GP1BB: variants seen among roughly 807,000 people sequenced by gnomAD.
GP1BB encodes the protein platelet glycoprotein Ib beta chain.
A neutral mutation model predicts 2.5 loss-of-function variants in GP1BB; 3 were observed. The observed-to-expected ratio is 1.22, with a 90% confidence interval of 0.56 to 3.15. The LOEUF (loss-of-function observed/expected upper bound fraction) is 3.15, where lower values mean the gene tolerates loss of function less well. Among genes scored for constraint, GP1BB ranks in the 30% most tolerant of loss-of-function variants. GP1BB has a pLI of 0.03. For missense variants in GP1BB, 316 were observed against 307.0 expected, an observed-to-expected ratio of 1.03 and a Z score of -0.22; for synonymous variants, 191 against 167.5, an observed-to-expected ratio of 1.14 and a Z score of -1.08.
Position 19,724,399 on chromosome 22 carries a change from GC to G in GP1BB, c.558del (p.Ala187GlnfsTer6). ...GCTGCGGGCCCGGGCCCGCGCTCGC[GC>G]CGCAGCCCGGCTGTCGCTGACCGAC... ...RRLRARARAR[A>X]AARLSLTDPL... On this transcript the variant is annotated frameshift_variant, in exon 2 of 2. Transcript: ENST00000366425. LOFTEE classifies it low-confidence loss of function (END_TRUNC). 1 of 1,536,988 alleles carries G rather than the reference GC, an allele frequency of 6.5e-7. No homozygotes were observed. The highest frequency in any genetic ancestry group is 1.2e-5 in the South Asian group (1 of 83,270).
Position 19,724,066 on chromosome 22 carries a change from C to T in GP1BB, c.223C>T (p.Leu75=). ...NNLTALPPGL[L]DALPALRTAH... ...CCTGACGGCGCTGCCGCCGGGGCTG[C>T]TGGACGCGCTGCCCGCGCTGCGCAC... Residue 75 remains leucine, a synonymous_variant, in exon 2 of 2, where the codon CTG becomes TTG. Coordinates refer to ENST00000366425, the MANE Select transcript of GP1BB (RefSeq NM_000407.5). 6.7e-7 allele frequency: 1 copy of T among 1,503,556 alleles called. No individual in the cohort carries two copies. Among genetic ancestry groups the T allele is most frequent in the Non-Finnish European group, 8.8e-7 (1 of 1,131,890 alleles). 93.1% of individuals were successfully genotyped at this position (1,503,556 alleles called of 1,614,324 possible). A position where few individuals can be genotyped will look rare whatever the true frequency, so the allele number is the denominator to read the frequency against.
chr22:19,723,675 G>C (rs748251974), intron 1 of GP1BB, 96 bp downstream of exon 1: 1 of 1,451,570 alleles, frequency 6.9e-7, no homozygotes. Context: ...GAGAGACTTG[G>C]GTCAGACTTA....
rs1263432745 is a variant in GP1BB, at chr22:19,724,221, C to T, written c.378C>T (p.Gly126=). 34 of 1,225,370 alleles carry T rather than the reference C, an allele frequency of 2.8e-5. No individual in the cohort carries two copies. Among genetic ancestry groups the T allele is most frequent in the Non-Finnish European group, 3.1e-5 (31 of 986,984 alleles). The allele number at this position is 1,225,370 out of a possible 1,614,324, so 75.9% of individuals were successfully genotyped here. A position where few individuals can be genotyped will look rare whatever the true frequency, so the allele number is the denominator to read the frequency against. ...GCGTGGCGCCCCCAGCGCTGCGCGG[C>T]CGCCTGCTGCCCTATCTGGCCGAGG... ...LRCVAPPALR[G]RLLPYLAEDE... Residue 126 remains glycine, a synonymous_variant, in exon 2 of 2, where the codon GGC becomes GGT. Transcript: ENST00000366425.
chr22:19,724,482 C>T lies in GP1BB; in HGVS notation c.*18C>T, dbSNP rs1268351608. The T allele has an allele frequency of 5.4e-6, 8 of 1,492,662 alleles. No homozygotes were observed. Among genetic ancestry groups the T allele is most frequent in the Non-Finnish European group, 6.4e-6 (7 of 1,096,912 alleles). The allele number at this position is 1,492,662 out of a possible 1,614,324, so 92.5% of individuals were successfully genotyped here. On this transcript the variant is annotated 3_prime_UTR_variant, in exon 2 of 2. Coordinates refer to ENST00000366425, the MANE Select transcript of GP1BB (RefSeq NM_000407.5). The stretch of plus-strand genomic sequence containing the variant: ...AGTCCTGAGGAGAGAACCGGTGCGT[C>T]CTGAGGAGAGAACCGGCGCTGGGCA...
chr22:19,723,803 T>C (rs1262422627), intron 1 of GP1BB, 51 bp from the exon 2 acceptor site: 1 of 1,479,870 alleles, frequency 6.8e-7, no homozygotes, highest in Admixed American at 2.1e-5. Context: ...CTCAGAGATG[T>C]CGCCCAGGTG....
At chr22:19,723,743 G>T (rs1169978789) in intron 1 of GP1BB, 111 bp from the exon 2 acceptor site, 1 of 1,318,658 alleles carries the variant, frequency 7.6e-7, no homozygotes, top group Non-Finnish European at 1.0e-6. Context: ...GCGGGCTACC[G>T]GGACGCCGGG....
Position 19,723,893 on chromosome 22 carries a change from C to T in GP1BB, c.50C>T (p.Ala17Val). 3 of 1,521,972 alleles carry T rather than the reference C, an allele frequency of 2.0e-6. No individual in the cohort carries two copies. Among genetic ancestry groups the T allele is most frequent in the African/African-American group, 1.4e-5 (1 of 71,114 alleles). 94.3% of individuals were successfully genotyped at this position (1,521,972 alleles called of 1,614,324 possible). A position where few individuals can be genotyped will look rare whatever the true frequency, so the allele number is the denominator to read the frequency against. Residue 17 changes from alanine (A) to valine (V), a missense_variant, in exon 2 of 2, where the codon GCC becomes GTC. Coordinates refer to ENST00000366425, the MANE Select transcript of GP1BB (RefSeq NM_000407.5). ...CTGAGCTTACTGCTCCTGCTGCTGG[C>T]CCCGCCGAGCCGCCCGGCCGCAGGT... is the stretch of plus-strand genomic sequence containing the variant. ...GALSLLLLLL[A>V]PPSRPAAGCP... is the part of the protein sequence containing the mutation.
Position 19,724,260 on chromosome 22 carries a change from C to T in GP1BB, c.417C>T (p.Ala139=), listed in dbSNP as rs1936119510. 1 of 1,248,298 alleles carries T rather than the reference C, an allele frequency of 8.0e-7. No individual in the cohort carries two copies. The highest frequency in any genetic ancestry group is 1.0e-6 in the Non-Finnish European group (1 of 1,000,366). The allele number at this position is 1,248,298 out of a possible 1,614,324, so 77.3% of individuals were successfully genotyped here. The change falls in exon 2 of 2, where the codon GCC becomes GCT. Residue 139 remains alanine, a synonymous_variant. Transcript: ENST00000366425. ...ATCTGGCCGAGGACGAGCTGCGCGCCGCTTGCGCTCCCGGCCCGCTCTGCT... is the reference window on the plus strand; with the variant it reads ...ATCTGGCCGAGGACGAGCTGCGCGCTGCTTGCGCTCCCGGCCCGCTCTGCT... ...LPYLAEDELR[A]ACAPGPLCWG... is the part of the protein sequence containing the mutation.
At position 19,724,277 on chromosome 22, in the gene GP1BB, C is replaced by G. The variant is rs1051842719; in HGVS notation, c.434C>G (p.Pro145Arg). 2.8e-5 allele frequency: 36 copies of G among 1,274,772 alleles called. No individual in the cohort carries two copies. Among genetic ancestry groups the G allele is most frequent in the East Asian group, 3.3e-5 (1 of 30,322 alleles). 79.0% of individuals were successfully genotyped at this position (1,274,772 alleles called of 1,614,324 possible). ...CTGCGCGCCGCTTGCGCTCCCGGCCCGCTCTGCTGGGGGGCGCTGGCGGCG... is the reference window on the plus strand; with the variant it reads ...CTGCGCGCCGCTTGCGCTCCCGGCCGGCTCTGCTGGGGGGCGCTGGCGGCG... ...DELRAACAPG[P>R]LCWGALAAQL... Residue 145 changes from proline to arginine, a missense_variant, in exon 2 of 2, where the codon CCG becomes CGG. Physicochemically the swap from Pro to Arg is moderately radical, Grantham distance 103 (BLOSUM62 -2). Transcript: ENST00000366425.
In GP1BB at chr22:19,724,541, G is replaced by C. The variant is rs79998786; in HGVS notation, c.*77G>C. ...CTGCAAACTCGACAGGACCCTGCCCGAGGGGCCCTCGCGCCAACCTGGACC... is the reference window on the plus strand; with the variant it reads ...CTGCAAACTCGACAGGACCCTGCCCCAGGGGCCCTCGCGCCAACCTGGACC... On this transcript the variant is annotated 3_prime_UTR_variant, in exon 2 of 2. Coordinates refer to ENST00000366425, the MANE Select transcript of GP1BB (RefSeq NM_000407.5). 4.1e-4 allele frequency: 435 copies of C among 1,056,652 alleles called. 1 individual carries two copies. The African/African-American group carries it at 6.0e-3, about 15-fold the overall frequency. 65.5% of individuals were successfully genotyped at this position (1,056,652 alleles called of 1,614,324 possible). A position where few individuals can be genotyped will look rare whatever the true frequency, so the allele number is the denominator to read the frequency against.
At chr22:19,723,640 G>T in intron 1 of GP1BB, 61 bp downstream of exon 1, 1 of 1,558,006 alleles carries the variant, frequency 6.4e-7, no homozygotes. Context: ...GTTGAGAGGA[G>T]CTCTGGTCGT....
chr22:19,723,873 C>T lies in GP1BB; in HGVS notation c.30C>T (p.Ser10=). The change falls in exon 2 of 2, where the codon AGC becomes AGT. Residue 10 remains serine (S), a synonymous_variant. Transcript: ENST00000366425. MGSGPRGAL[S]LLLLLLAPPS... The stretch of plus-strand genomic sequence containing the variant: ...TTGCAGGGCCGCGCGGGGCGCTGAG[C>T]TTACTGCTCCTGCTGCTGGCCCCGC... 10 of 1,523,888 alleles carry T rather than the reference C, an allele frequency of 6.6e-6. No individual in the cohort carries two copies. The highest frequency in any genetic ancestry group is 8.8e-6 in the Non-Finnish European group (10 of 1,142,502). The allele number at this position is 1,523,888 out of a possible 1,614,324, so 94.4% of individuals were successfully genotyped here.
In GP1BB at chr22:19,724,144, C is replaced by T; in HGVS notation, c.301C>T (p.Arg101Cys). ...CTGCGACTGCCGCCTTGTGCCGCTG[C>T]GCGCCTGGCTGGCCGGCCGCCCCGA... Reference protein sequence around the residue: ...WRCDCRLVPLRAWLAGRPERA... With the variant: ...WRCDCRLVPLCAWLAGRPERA... Residue 101 changes from arginine (R) to cysteine (C), a missense_variant, in exon 2 of 2, where the codon CGC becomes TGC. Physicochemically the swap from Arg to Cys is radical, Grantham distance 180. Transcript: ENST00000366425. 7.4e-7 allele frequency: 1 copy of T among 1,347,132 alleles called. No individual in the cohort carries two copies. The highest frequency in any genetic ancestry group is 1.9e-5 in the South Asian group (1 of 53,992). The allele number at this position is 1,347,132 out of a possible 1,614,324, so 83.4% of individuals were successfully genotyped here. A position where few individuals can be genotyped will look rare whatever the true frequency, so the allele number is the denominator to read the frequency against.
In GP1BB at chr22:19,724,422, C is replaced by T. The variant is rs765746884; in HGVS notation, c.579C>T (p.Thr193=). The change falls in exon 2 of 2, where the codon ACC becomes ACT. Residue 193 remains threonine (T), a synonymous_variant. Transcript: ENST00000366425. ...GCGCCGCAGCCCGGCTGTCGCTGACCGACCCGCTGGTGGCCGAGCGAGCCG... is the reference window on the plus strand; with the variant it reads ...GCGCCGCAGCCCGGCTGTCGCTGACTGACCCGCTGGTGGCCGAGCGAGCCG... ...RARAAARLSL[T]DPLVAERAGT... is the part of the protein sequence containing the mutation. 116 of 1,544,046 alleles carry T rather than the reference C, an allele frequency of 7.5e-5. No homozygotes were observed. The highest frequency in any genetic ancestry group is 8.8e-5 in the Non-Finnish European group (101 of 1,144,402).
Position 19,723,577 on chromosome 22 carries a change from C to A in GP1BB, c.8C>A (p.Ser3Tyr), listed in dbSNP as rs572877334. The change falls in exon 1 of 2, where the codon TCC becomes TAC. Residue 3 changes from serine to tyrosine, a missense_variant and splice_region_variant. Physicochemically the swap from Ser to Tyr is moderately radical, Grantham distance 144 (BLOSUM62 -2). Coordinates refer to ENST00000366425, the MANE Select transcript of GP1BB (RefSeq NM_000407.5). The stretch of plus-strand genomic sequence containing the variant: ...GGCTGCCGTCTTCTCGCCATGGGCT[C>A]CGGTGAGTCTGGAGTCCGGTCGGGC... MG[S>Y]GPRGALSLLL... 1 of 1,597,746 alleles carries A rather than the reference C, an allele frequency of 6.3e-7. No individual in the cohort carries two copies. The highest frequency in any genetic ancestry group is 8.5e-7 in the Non-Finnish European group (1 of 1,176,820).
chr22:19,724,423 G>A lies in GP1BB; in HGVS notation c.580G>A (p.Asp194Asn), dbSNP rs1170849746. Residue 194 changes from aspartate (D) to asparagine (N), a missense_variant, in exon 2 of 2, where the codon GAC becomes AAC. Asp to Asn is a conservative substitution (Grantham distance 23). Transcript: ENST00000366425. ...CGCCGCAGCCCGGCTGTCGCTGACCGACCCGCTGGTGGCCGAGCGAGCCGG... is the reference window on the plus strand; with the variant it reads ...CGCCGCAGCCCGGCTGTCGCTGACCAACCCGCTGGTGGCCGAGCGAGCCGG... ...ARAAARLSLTDPLVAERAGTD... is the reference protein window; with the variant it reads ...ARAAARLSLTNPLVAERAGTD... 1 of 1,543,766 alleles carries A rather than the reference G, an allele frequency of 6.5e-7. No individual in the cohort carries two copies. Among genetic ancestry groups the A allele is most frequent in the South Asian group, 1.2e-5 (1 of 83,760 alleles).
In GP1BB at chr22:19,723,879, G is replaced by T; in HGVS notation, c.36G>T (p.Leu12=). The T allele has an allele frequency of 6.6e-7, 1 of 1,522,960 alleles. No individual in the cohort carries two copies. 94.3% of individuals were successfully genotyped at this position (1,522,960 alleles called of 1,614,324 possible). The part of the protein sequence containing the change: ...GSGPRGALSL[L]LLLLAPPSRP... ...GGCCGCGCGGGGCGCTGAGCTTACT[G>T]CTCCTGCTGCTGGCCCCGCCGAGCC... is the stretch of plus-strand genomic sequence containing the variant. The change falls in exon 2 of 2, where the codon CTG becomes CTT. Residue 12 remains leucine, a synonymous_variant. Transcript: ENST00000366425.
intron 1 of GP1BB, 109 bp downstream of exon 1, chr22:19,723,688 G>C (rs773584271): frequency 1.4e-6 from 2 of 1,394,700 alleles, no homozygotes; most frequent in East Asian, 2.5e-5. Context: ...CAGACTTAGA[G>C]GGGACTTCCA....
At position 19,724,336 on chromosome 22, in the gene GP1BB, G is replaced by T; in HGVS notation, c.493G>T (p.Ala165Ser). 6.9e-7 allele frequency: 1 copy of T among 1,449,790 alleles called. No individual in the cohort carries two copies. The highest frequency in any genetic ancestry group is 9.0e-7 in the Non-Finnish European group (1 of 1,105,198). 89.8% of individuals were successfully genotyped at this position (1,449,790 alleles called of 1,614,324 possible). A position where few individuals can be genotyped will look rare whatever the true frequency, so the allele number is the denominator to read the frequency against. ...LALLGLGLLH[A>S]LLLVLLLCRL... ...GCTGCTGGGCCTTGGGCTGCTGCAC[G>T]CGTTGCTGCTGGTGCTGCTGCTGTG... Residue 165 changes from alanine (A) to serine (S), a missense_variant, in exon 2 of 2, where the codon GCG becomes TCG. Coordinates refer to ENST00000366425, the MANE Select transcript of GP1BB (RefSeq NM_000407.5).
Sources: allele counts gnomAD v4.1 joint callset, GRCh38; gene constraint gnomAD v4.1.1; transcripts MANE v1.5; gene names NCBI Gene and HGNC (gene_info 2026-07-23, HGNC 2026-07-21).